The following FSTL5 variants were observed in gnomAD, a reference collection of about 807,000 sequenced individuals.
FSTL5 encodes follistatin like 5.
Under a neutral mutation model 89.1 loss-of-function variants are expected in FSTL5, and 62 were observed. That is an observed-to-expected ratio of 0.70 (90% CI 0.57 to 0.86). The LOEUF (loss-of-function observed/expected upper bound fraction) is 0.86, where lower values mean the gene tolerates loss of function less well. Among genes scored for constraint, FSTL5 ranks in the 40% least tolerant of loss-of-function variants. FSTL5 has a pLI of 0.00. For missense variants in FSTL5, 1,057 were observed against 1,001.6 expected (o/e 1.06, Z -0.75); for synonymous variants, 383 against 346.2 (o/e 1.11, Z -1.18).
In FSTL5 at chr4:161,481,172, G is replaced by T; in HGVS notation, c.1459-3C>A. ...TCAGCTTTGGGACAGACTTCATCCT[G>T]TAATTTAGGAAAGAGAAAATGAAAT... On this transcript the variant is annotated splice_polypyrimidine_tract_variant and splice_region_variant and intron_variant, in intron 12 of 15. Transcript: ENST00000306100. 1 of 1,588,294 alleles carries T rather than the reference G, an allele frequency of 6.3e-7. No homozygotes were observed. The highest frequency in any genetic ancestry group is 1.2e-5 in the South Asian group (1 of 85,554).
intron 5 of FSTL5, among the ~76,000 whole-genome samples, chr4:161,767,866 A>G (rs557849863): frequency 8.4e-4 from 128 of 151,946 alleles, no homozygotes; most frequent in African/African-American, 3.0e-3. Context: ...CATTTTCAAT[A>G]AAGAGAAAAT....
chr4:162,109,987 G>A (rs1731371475), intron 2 of FSTL5, among the ~76,000 whole-genome samples: 1 of 151,954 alleles, frequency 6.6e-6, no homozygotes, highest in Non-Finnish European at 1.5e-5. Context: ...ATTAGTCCAT[G>A]AGGTAGGAGA....
At chr4:162,042,855 C>A (rs1350087142) in intron 2 of FSTL5, among the ~76,000 whole-genome samples, 1 of 146,358 alleles carries the variant, frequency 6.8e-6, no homozygotes. Context: ...AACAAAAAAC[C>A]AAACACCGCA....
chr4:161,855,883 G>C (rs1181377860), intron 4 of FSTL5, among the ~76,000 whole-genome samples: 1 of 151,966 alleles, frequency 6.6e-6, no homozygotes, highest in African/African-American at 2.4e-5. Flanking sequence ...TGGAAAAAAT[G>C]GTTCAAAGAG....
intron 6 of FSTL5, among the ~76,000 whole-genome samples, chr4:161,718,840 T>C (rs1475584875): frequency 6.6e-6 from 1 of 152,148 alleles, no homozygotes; most frequent in Non-Finnish European, 1.5e-5. Flanking sequence ...ACAGCAACTA[T>C]ACTGAACAAA....
At position 161,386,847 on chromosome 4, in the gene FSTL5, T is replaced by A. The variant is rs368523809; in HGVS notation, c.1842-398A>T. ...AAGAGTAAAAGGCTCGAATATATAT[T>A]GGTTTCACTCATTTCATTTACTTCT... On this transcript the variant is annotated intron_variant, in intron 15 of 15. Transcript: ENST00000306100. The A allele has an allele frequency of 1.8e-5, 3 of 163,672 alleles. No homozygotes were observed. The South Asian group carries it at 4.7e-4, about 26-fold the overall frequency. The allele number at this position is 163,672 out of a possible 1,614,324, so 10.1% of individuals were successfully genotyped here.
At chr4:161,453,368 T>A (rs1733239059) in intron 15 of FSTL5, among the ~76,000 whole-genome samples, 1 of 152,116 alleles carries the variant, frequency 6.6e-6, no homozygotes, top group African/African-American at 2.4e-5. Context: ...AACAAAAGAA[T>A]ATTTATTAGT....
At chr4:162,121,641 G>A (rs550208165) in intron 1 of FSTL5, among the ~76,000 whole-genome samples, 1 of 152,034 alleles carries the variant, frequency 6.6e-6, no homozygotes, top group South Asian at 2.1e-4. Flanking sequence ...AAAATAATGT[G>A]ATATATCTCA....
intron 4 of FSTL5, among the ~76,000 whole-genome samples, chr4:161,855,821 T>C (rs1263635210): frequency 6.6e-6 from 1 of 152,148 alleles, no homozygotes; most frequent in Non-Finnish European, 1.5e-5. Context: ...TCCCAGTTAC[T>C]GGACATTTTT....
chr4:162,105,286 T>C (rs1731177982), intron 2 of FSTL5, among the ~76,000 whole-genome samples: 1 of 152,212 alleles, frequency 6.6e-6, no homozygotes, highest in African/African-American at 2.4e-5. Context: ...TAGTGTTAAT[T>C]ATAGCCTCCA....
At chr4:161,418,341 T>C (rs1010995588) in intron 15 of FSTL5, among the ~76,000 whole-genome samples, 2 of 152,128 alleles carry the variant, frequency 1.3e-5, no homozygotes, top group Admixed American at 1.3e-4. Context: ...AAACAAAAAT[T>C]TGTAAAACAG....
chr4:161,543,782 AG>A (rs1731913125), intron 8 of FSTL5, among the ~76,000 whole-genome samples: 1 of 152,106 alleles, frequency 6.6e-6, no homozygotes, highest in Admixed American at 6.6e-5. Flanking sequence ...ACTTAAATGT[AG>A]GAGCTAAAAC....
intron 6 of FSTL5, among the ~76,000 whole-genome samples, chr4:161,706,779 T>A (rs1206551092): frequency 2.0e-5 from 3 of 152,168 alleles, no homozygotes; most frequent in African/African-American, 7.2e-5. Flanking sequence ...AAAAGAGAAA[T>A]CTGAATGAAC....
At chr4:161,828,336 C>A (rs1560868414) in intron 4 of FSTL5, among the ~76,000 whole-genome samples, 1 of 152,150 alleles carries the variant, frequency 6.6e-6, no homozygotes, top group Non-Finnish European at 1.5e-5. Flanking sequence ...TAGGAGCAAT[C>A]CACTTCCTTC....
intron 2 of FSTL5, among the ~76,000 whole-genome samples, chr4:162,089,651 GAAAAA>G (rs76543135): frequency 3.3e-4 from 27 of 82,922 alleles, no homozygotes; most frequent in South Asian, 8.0e-4. Flanking sequence ...AAAAAAAAAA[GAAAAA>G]AAAGAAAGAA....
intron 3 of FSTL5, among the ~76,000 whole-genome samples, chr4:161,965,316 T>C (rs1173244758): frequency 1.3e-5 from 2 of 152,110 alleles, no homozygotes; most frequent in African/African-American, 4.8e-5. Flanking sequence ...CTTATGGACA[T>C]GTATCATCCA....
chr4:161,390,936 C>A (rs1730801822), intron 15 of FSTL5, among the ~76,000 whole-genome samples: 1 of 152,138 alleles, frequency 6.6e-6, no homozygotes, highest in Non-Finnish European at 1.5e-5. Context: ...GCTTCCTCTC[C>A]ATTCCTGCAT....
intron 3 of FSTL5, among the ~76,000 whole-genome samples, chr4:162,000,842 C>T (rs933371369): frequency 4.0e-5 from 6 of 151,896 alleles, no homozygotes; most frequent in Non-Finnish European, 5.9e-5. Flanking sequence ...AATTACAGCC[C>T]TTGGCACAAA....
chr4:162,055,976 A>G (rs1481592924), intron 2 of FSTL5, among the ~76,000 whole-genome samples: 1 of 151,940 alleles, frequency 6.6e-6, no homozygotes, highest in African/African-American at 2.4e-5. Context: ...TATAAAAAAC[A>G]AAACTCTTAA....
Sources: gnomAD v4.1 joint callset for allele counts (sites outside exome capture counted in the v4.1 genomes callset) on GRCh38, gnomAD v4.1.1 for gene constraint, MANE v1.5 for transcripts, NCBI Gene and HGNC (gene_info 2026-07-23, HGNC 2026-07-21) for gene names.